The following PAXBP1 variants were observed in gnomAD, a reference collection of about 807,000 sequenced individuals.
PAXBP1 encodes the protein PAX3 and PAX7 binding protein 1.
PAXBP1 carries 44 observed loss-of-function variants against 119.9 expected under a neutral mutation model. That is an observed-to-expected ratio of 0.37 (90% CI 0.29 to 0.47). The LOEUF (loss-of-function observed/expected upper bound fraction) is 0.47, where lower values mean the gene tolerates loss of function less well. Among genes scored for constraint, PAXBP1 ranks in the 20% least tolerant of loss-of-function variants. The pLI is 0.99. For missense variants in PAXBP1, 898 were observed against 1,134.1 expected (o/e 0.79, Z 2.99); for synonymous variants, 393 against 406.6 (o/e 0.97, Z 0.40).
Position 32,759,750 on chromosome 21 carries a change from GGTCTTTAAGAAGTTGATCTGCCCTACCT to G in PAXBP1, c.1192_1193+26del. On this transcript the variant is annotated splice_donor_variant and splice_donor_5th_base_variant and coding_sequence_variant and intron_variant, in exon 6 of 18. Transcript: ENST00000331923. LOFTEE classifies it high-confidence loss of function. ...TGAGGGAACAGAAAGCTAGCGGACA[GGTCTTTAAGAAGTTGATCTGCCCTACCT>G]GTCTTTAAGCTGTTTCTTTACCAAA... The G allele has an allele frequency of 6.4e-7, 1 of 1,571,856 alleles. No homozygotes were observed. The highest frequency in any genetic ancestry group is 8.7e-7 in the Non-Finnish European group (1 of 1,143,152).
intron 7 of PAXBP1, chr21:32,756,832 T>C (rs961182289): frequency 6.5e-5 from 10 of 154,780 alleles, no homozygotes; most frequent in African/African-American, 1.9e-4. Flanking sequence ...GACAATGTAG[T>C]TTTTCTCTTT....
chr21:32,743,626 C>T, intron 14 of PAXBP1, 52 bp downstream of exon 14: 1 of 1,349,662 alleles, frequency 7.4e-7, no homozygotes, highest in Non-Finnish European at 1.1e-6. Flanking sequence ...TATAAGCCTT[C>T]TCTGAAACAC....
At chr21:32,763,546 T>C (rs2044186068) in intron 3 of PAXBP1, among the ~76,000 whole-genome samples, 1 of 152,236 alleles carries the variant, frequency 6.6e-6, no homozygotes, top group African/African-American at 2.4e-5. Flanking sequence ...TTTTAAATTG[T>C]ATAAACATTA....
At chr21:32,758,272 C>A (rs1412148641) in intron 7 of PAXBP1, among the ~76,000 whole-genome samples, 1 of 151,714 alleles carries the variant, frequency 6.6e-6, no homozygotes, top group Non-Finnish European at 1.5e-5. Context: ...GGGAAATGTG[C>A]CTTCCAATCC....
In PAXBP1 at chr21:32,759,979, G is replaced by A; in HGVS notation, c.991C>T (p.Pro331Ser). ...TGGTAGTACATATTCACTTCTGCGGGTTGACTGGCTTGAACCTAGAAAAGA... is the reference window on the plus strand; with the variant it reads ...TGGTAGTACATATTCACTTCTGCGGATTGACTGGCTTGAACCTAGAAAAGA... ...INIPQVQASQ[P>S]AEVNMYYQNT... Residue 331 changes from proline (P) to serine (S), a missense_variant, in exon 6 of 18, where the codon CCC (proline) becomes TCC (serine). This residue lies in a region of PAXBP1 where 599 missense variants were observed against 852.7 expected (regional missense o/e 0.70). Transcript: ENST00000331923. 6.2e-7 allele frequency: 1 copy of A among 1,613,452 alleles called. No homozygotes were observed. The highest frequency in any genetic ancestry group is 8.5e-7 in the Non-Finnish European group (1 of 1,179,574).
chr21:32,768,397 T>C (rs76550659), intron 2 of PAXBP1, among the ~76,000 whole-genome samples: 7,297 of 152,322 alleles, frequency 0.048, 265 homozygotes, highest in South Asian at 0.15. Flanking sequence ...AGGACAAAAG[T>C]TCAAATTTGA....
In PAXBP1 at chr21:32,751,152, G is replaced by T; in HGVS notation, c.1574C>A (p.Ala525Glu). The T allele has an allele frequency of 1.2e-6, 2 of 1,613,974 alleles. No individual in the cohort carries two copies. The highest frequency in any genetic ancestry group is 1.7e-6 in the Non-Finnish European group (2 of 1,179,850). Reference protein sequence around the residue: ...GRDRALYQEHAKRRIAEREAR... With the variant: ...GRDRALYQEHEKRRIAEREAR... ...CTCCCGCTCTGCAATGCGACGTTTT[G>T]CATGCTCTTGATACAGTGCCCGATC... The change falls in exon 9 of 18, where the codon GCA becomes GAA. Residue 525 changes from alanine to glutamate, a missense_variant. Ala to Glu is a moderately radical substitution (Grantham distance 107). Coordinates refer to ENST00000331923, the MANE Select transcript of PAXBP1 (RefSeq NM_016631.4).
intron 2 of PAXBP1, among the ~76,000 whole-genome samples, chr21:32,768,903 CAATACCTTCCCTTTCGG>C (rs750879830): frequency 1.2e-4 from 18 of 152,308 alleles, no homozygotes; most frequent in Non-Finnish European, 2.4e-4. Context: ...ATCATACCCC[CAATACCTTCCCTTTCGG>C]AATTTTAACT....
At chr21:32,765,150 G>A (rs2044219597) in intron 2 of PAXBP1, among the ~76,000 whole-genome samples, 1 of 152,188 alleles carries the variant, frequency 6.6e-6, no homozygotes, top group Non-Finnish European at 1.5e-5. Context: ...CTGAAGCAGA[G>A]ATAACCAGAT....
At chr21:32,736,770 T>G (rs1439356408) in intron 17 of PAXBP1, among the ~76,000 whole-genome samples, 1 of 152,202 alleles carries the variant, frequency 6.6e-6, no homozygotes, top group Admixed American at 6.5e-5. Context: ...CACCCATAAA[T>G]TAATGTCCAC....
At position 32,746,703 on chromosome 21, in the gene PAXBP1, A is replaced by C. The variant is rs146338070; in HGVS notation, c.1924-985T>G. Among the ~76,000 whole-genome samples, 391 of 152,350 alleles carry C rather than the reference A, an allele frequency of 2.6e-3. 4 individuals carry two copies. The highest frequency in any genetic ancestry group is 9.1e-3 in the African/African-American group (379 of 41,590). ...AATTCCTCACAGATCTAGAAGCAGA[A>C]ATGCCATTTGACCCAGCAATCCCAT... On this transcript the variant is annotated intron_variant, in intron 11 of 17. Coordinates refer to ENST00000331923, the MANE Select transcript of PAXBP1 (RefSeq NM_016631.4).
At chr21:32,740,169 T>C (rs1407709265) in intron 15 of PAXBP1, among the ~76,000 whole-genome samples, 1 of 152,086 alleles carries the variant, frequency 6.6e-6, no homozygotes, top group African/African-American at 2.4e-5. Flanking sequence ...CATATTCTGA[T>C]TGCCTCTTCT....
rs1172747310 is a variant in PAXBP1 at position 32,764,774 on chromosome 21, A to C, written c.473-250T>G. The stretch of plus-strand genomic sequence containing the variant: ...AATAATACAGAGGATGTAATAAAGG[A>C]TGCATTTGAGGCCCTGCTCCATTCC... On this transcript the variant is annotated intron_variant, in intron 2 of 17. Transcript: ENST00000331923. Among the ~76,000 whole-genome samples, 5 of 152,230 alleles carry C rather than the reference A, an allele frequency of 3.3e-5. 1 individual carries two copies. Among genetic ancestry groups the C allele is most frequent in the Non-Finnish European group, 7.3e-5 (5 of 68,032 alleles).
Position 32,764,462 on chromosome 21 carries a change from T to C in PAXBP1, c.535A>G (p.Ile179Val). The C allele has an allele frequency of 6.2e-7, 1 of 1,613,862 alleles. No homozygotes were observed. Among genetic ancestry groups the C allele is most frequent in the Admixed American group, 1.7e-5 (1 of 60,022 alleles). The change falls in exon 3 of 18, where the codon ATC becomes GTC. Residue 179 changes from isoleucine to valine, a missense_variant. Around this residue, in one of 2 missense-constraint regions of PAXBP1, gnomAD observed 299 missense variants for 281.4 expected, o/e 1.06. Coordinates refer to ENST00000331923, the MANE Select transcript of PAXBP1 (RefSeq NM_016631.4). ...ATTTCATCTTCACCATGTTCACTGA[T>C]GATAACTCCATCTTCTTGATTTGTA... ...KDTNQEDGVI[I>V]SEHGEDEMDM... is the part of the protein sequence containing the mutation.
intron 2 of PAXBP1, 129 bp downstream of exon 2, chr21:32,769,685 T>A: frequency 1.2e-6 from 1 of 812,270 alleles, no homozygotes; most frequent in Non-Finnish European, 1.9e-6. Flanking sequence ...AGAACTGTAC[T>A]GCTACTCAAT....
chr21:32,759,471 C>A, intron 6 of PAXBP1: 1 of 642,164 alleles, frequency 1.6e-6, no homozygotes, highest in Non-Finnish European at 2.6e-6. Flanking sequence ...GTGGGCTAAC[C>A]AAAATCTCAC....
At position 32,759,903 on chromosome 21, in the gene PAXBP1, C is replaced by G. The variant is rs2044109722; in HGVS notation, c.1067G>C (p.Ser356Thr). ...PYGSSYGIPYSYTAYGSSDAK... is the reference protein window; with the variant it reads ...PYGSSYGIPYTYTAYGSSDAK... ...ATCTGATGATCCATAGGCCGTATAA[C>G]TATAAGGAATGCCATAGGATGAGCC... is the stretch of plus-strand genomic sequence containing the variant. Residue 356 changes from serine (S) to threonine (T), a missense_variant, in exon 6 of 18, where the codon AGT becomes ACT. By Grantham distance (58) the Ser-to-Thr change is moderately conservative. This residue lies in a region of PAXBP1 where 599 missense variants were observed against 852.7 expected (regional missense o/e 0.70). Transcript: ENST00000331923. 10 of 1,613,618 alleles carry G rather than the reference C, an allele frequency of 6.2e-6. No individual in the cohort carries two copies. Among genetic ancestry groups the G allele is most frequent in the Admixed American group, 1.7e-5 (1 of 59,992 alleles).
chr21:32,735,899 C>T (rs1464627866), intron 17 of PAXBP1, among the ~76,000 whole-genome samples: 3 of 152,226 alleles, frequency 2.0e-5, no homozygotes, highest in African/African-American at 7.2e-5. Context: ...TTAGAATTTG[C>T]AAAACTTTCC....
chr21:32,755,187 A>C, intron 8 of PAXBP1, 43 bp downstream of exon 8: 1 of 1,572,408 alleles, frequency 6.4e-7, no homozygotes, highest in Non-Finnish European at 8.6e-7. Context: ...CTAAGTAAAC[A>C]AGGTTGTTTA....
Sources: allele counts gnomAD v4.1 joint callset (sites outside exome capture counted in the v4.1 genomes callset), GRCh38; gene constraint gnomAD v4.1.1; regional missense constraint gnomAD v4.1.1; transcripts MANE v1.5; gene names NCBI Gene and HGNC (gene_info 2026-07-23, HGNC 2026-07-21).